Variants in PDXDC1 observed in about 807,000 individuals in gnomAD.
The protein encoded by PDXDC1 is pyridoxal-dependent decarboxylase domain-containing protein 1.
In PDXDC1, 42 loss-of-function variants were observed where a neutral mutation model predicts 100.1. The observed-to-expected ratio is 0.42, with a 90% CI of 0.33 to 0.54. PDXDC1 has a LOEUF of 0.54. PDXDC1 is among the 20% of genes least tolerant of loss of function. The pLI is 0.10. For synonymous variants in PDXDC1, 260 were observed against 371.7 expected, an observed-to-expected ratio of 0.70 and a Z score of 3.46; for missense variants, 636 against 979.2, an observed-to-expected ratio of 0.65 and a Z score of 4.68.
At chr16:15,131,861 G>T (rs558249047) in intron 16 of PDXDC1, among the ~76,000 whole-genome samples, 1 of 9,298 alleles carries the variant, frequency 1.1e-4, no homozygotes, top group South Asian at 3.6e-3. Context: ...GGAAGCTGGA[G>T]AGAGAGTGGT....
intron 1 of PDXDC1, among the ~76,000 whole-genome samples, chr16:14,977,059 G>C (rs113583208): frequency 0.012 from 1,775 of 151,742 alleles, no homozygotes; most frequent in East Asian, 0.049. Flanking sequence ...GGTTACAGTA[G>C]TTGCTCCCTA....
At chr16:15,127,512 G>A in intron 16 of PDXDC1, 1 of 1,544,332 alleles carries the variant, frequency 6.5e-7, no homozygotes, top group Non-Finnish European at 8.7e-7. Flanking sequence ...TGGCCAGGTA[G>A]ACGGGATAGA....
intron 16 of PDXDC1, chr16:15,132,886 G>T: frequency 6.3e-7 from 1 of 1,592,656 alleles, no homozygotes; most frequent in African/African-American, 1.3e-5. Flanking sequence ...GGGGCAGGCA[G>T]GCGGCACAGC....
At chr16:14,980,696 C>G (rs573895703) in intron 1 of PDXDC1, among the ~76,000 whole-genome samples, 2 of 152,392 alleles carry the variant, frequency 1.3e-5, no homozygotes, top group African/African-American at 4.8e-5. Context: ...AGGATGGTCT[C>G]GATCTCCTGA....
chr16:15,079,982 A>T (rs1289685175), intron 16 of PDXDC1: 26 of 1,574,492 alleles, frequency 1.7e-5, no homozygotes, highest in Admixed American at 9.4e-5. Context: ...ATAAAAATAG[A>T]TTACTCAATA....
rs767771702 is a variant in PDXDC1 at position 15,085,603 on chromosome 16, C to T, written c.1400-53276C>T. 8.7e-6 allele frequency: 14 copies of T among 1,602,546 alleles called. No homozygotes were observed. The African/African-American group carries it at 9.4e-5, about 11-fold the overall frequency. ...AAAGTGCTGGGATTATGGGTGAAAG[C>T]TACTGTGCCCAGGCTTTAAACCTTT... is the stretch of plus-strand genomic sequence containing the variant. On this transcript the variant is annotated intron_variant, in intron 16 of 16. Coordinates refer to the PDXDC1 transcript ENST00000535621.
intron 21 of PDXDC1, among the ~76,000 whole-genome samples, chr16:15,035,116 T>C (rs766114343): frequency 3.9e-5 from 6 of 152,212 alleles, no homozygotes; most frequent in Non-Finnish European, 8.8e-5. Context: ...TCCATTGTCA[T>C]GAAAGCAAAA....
At position 15,031,940 on chromosome 16, in the gene PDXDC1, CT is replaced by C; in HGVS notation, c.1571+38del. 10 of 1,544,054 alleles carry C rather than the reference CT, an allele frequency of 6.5e-6. No homozygotes were observed. In the East Asian group the frequency reaches 1.9e-4, roughly 29 times the overall value. ...TTGGCCTGCCGCTTGATGTTGGAGA[CT>C]TTTCTGTATAAAGAACATGAGTGGG... On this transcript the variant is annotated intron_variant, in intron 17 of 22. Coordinates refer to ENST00000396410, the MANE Select transcript of PDXDC1 (RefSeq NM_015027.4).
intron 16 of PDXDC1, among the ~76,000 whole-genome samples, chr16:15,100,998 GA>G (rs1567244646): frequency 6.6e-6 from 1 of 152,110 alleles, no homozygotes; most frequent in East Asian, 1.9e-4. Flanking sequence ...ATTAATGGAA[GA>G]AAGAAAGAAA....
chr16:15,134,147 TC>T (rs1299508430), intron 16 of PDXDC1: 1 of 1,236,532 alleles, frequency 8.1e-7, no homozygotes, highest in Non-Finnish European at 1.2e-6. Context: ...GCAGGCCCCG[TC>T]CCCTCGGCCA....
chr16:15,025,752 C>CA (rs1257119113), intron 13 of PDXDC1: 1 of 153,306 alleles, frequency 6.5e-6, no homozygotes, highest in Non-Finnish European at 1.5e-5. Flanking sequence ...CTTCCCCCTC[C>CA]AGGGCCACCC....
chr16:15,036,328 G>T lies in PDXDC1; in HGVS notation c.*53G>T, dbSNP rs1017110393. On this transcript the variant is annotated 3_prime_UTR_variant, in exon 23 of 23. Coordinates refer to ENST00000396410, the MANE Select transcript of PDXDC1 (RefSeq NM_015027.4). ...TGAGTATTGTTTCAGGGAAGATGAA[G>T]TTCTATTGGAAATGTGAACTGTGCC... is the stretch of plus-strand genomic sequence containing the variant. 27 of 1,489,974 alleles carry T rather than the reference G, an allele frequency of 1.8e-5. No individual in the cohort carries two copies. In the Middle Eastern group the frequency reaches 5.2e-4, roughly 29 times the overall value. The allele number at this position is 1,489,974 out of a possible 1,614,324, so 92.3% of individuals were successfully genotyped here.
At chr16:15,084,804 G>A (rs1279696904) in intron 16 of PDXDC1, 26 of 840,322 alleles carry the variant, frequency 3.1e-5, no homozygotes, top group East Asian at 8.0e-5. Flanking sequence ...AGTGGCTCAC[G>A]CCTGTAATCC....
intron 16 of PDXDC1, among the ~76,000 whole-genome samples, chr16:15,069,074 C>G (rs1315115731): frequency 6.6e-6 from 1 of 152,168 alleles, no homozygotes; most frequent in Non-Finnish European, 1.5e-5. Context: ...CATACAACAT[C>G]TTTTAGAAGC....
intron 16 of PDXDC1, among the ~76,000 whole-genome samples, chr16:15,064,417 C>T (rs1423385675): frequency 3.3e-5 from 5 of 152,094 alleles, no homozygotes; most frequent in Non-Finnish European, 5.9e-5. Context: ...TCAAGTGATC[C>T]GCCCGCCTCA....
At chr16:15,065,636 ATAT>A (rs2044937165) in intron 16 of PDXDC1, among the ~76,000 whole-genome samples, 1 of 152,200 alleles carries the variant, frequency 6.6e-6, no homozygotes, top group African/African-American at 2.4e-5. Flanking sequence ...TGAGTAATAG[ATAT>A]TATTCATTAT....
rs1479160674 is a variant in PDXDC1 at position 15,061,689 on chromosome 16, C to T, written c.1399+31633C>T. Reference sequence around the variant, plus strand: ...AATGGCACAAGCTGGGTGCTGAGGGCATGACAAGTGATGGGGAATCCCAAA... The same window carrying T: ...AATGGCACAAGCTGGGTGCTGAGGGTATGACAAGTGATGGGGAATCCCAAA... On this transcript the variant is annotated intron_variant, in intron 16 of 16. Transcript: ENST00000535621. The T allele has an allele frequency of 1.9e-6, 3 of 1,548,008 alleles. No individual in the cohort carries two copies. In the African/African-American group the frequency reaches 4.1e-5, roughly 21 times the overall value.
At chr16:14,975,928 G>C (rs1222159631) in intron 1 of PDXDC1, among the ~76,000 whole-genome samples, 1 of 152,308 alleles carries the variant, frequency 6.6e-6, no homozygotes, top group African/African-American at 2.4e-5. Flanking sequence ...GGGGATCGCA[G>C]CTGCTCCACA....
intron 16 of PDXDC1, chr16:15,074,973 G>T: frequency 8.8e-7 from 1 of 1,130,060 alleles, no homozygotes; most frequent in Non-Finnish European, 1.2e-6. Context: ...AAAGAGGCTG[G>T]GGAAAGCGGC....
Sources: allele counts gnomAD v4.1 joint callset (sites outside exome capture counted in the v4.1 genomes callset), GRCh38; gene constraint gnomAD v4.1.1; transcripts MANE v1.5; gene names NCBI Gene and HGNC (gene_info 2026-07-23, HGNC 2026-07-21).